Variants in STPG4 observed in about 807,000 individuals in gnomAD.
STPG4 encodes the protein sperm-tail PG-rich repeat containing 4.
Under a neutral mutation model 31.5 loss-of-function variants are expected in STPG4, and 41 were observed. That is an observed-to-expected ratio of 1.30 (90% CI 1.01 to 1.69). The LOEUF (loss-of-function observed/expected upper bound fraction) is 1.69. Among genes scored for constraint, STPG4 ranks in the 40% most tolerant of loss-of-function variants. The pLI, the probability that STPG4 is intolerant of heterozygous loss-of-function variation, is 0.00. For missense variants in STPG4, 375 were observed against 293.4 expected (o/e 1.28, Z -2.03); for synonymous variants, 141 against 103.0 (o/e 1.37, Z -2.24).
Position 47,151,955 on chromosome 2 carries a change from G to C in STPG4, c.142-440C>G, listed in dbSNP as rs1039143012. ...TTTTTTTGTATTTTTAGTAGAGACA[G>C]GGTTTCACTGTGTTAGCCAGGATGG... is the stretch of plus-strand genomic sequence containing the variant. On this transcript the variant is annotated intron_variant, in intron 2 of 6. Transcript: ENST00000445927. 3.3e-5 allele frequency among the ~76,000 whole-genome samples: 5 copies of C among 150,738 alleles called. No homozygotes were observed. The East Asian group carries it at 7.7e-4, about 23-fold the overall frequency.
intron 5 of STPG4, among the ~76,000 whole-genome samples, chr2:47,105,265 G>A (rs1685886927): frequency 6.6e-6 from 1 of 151,960 alleles, no homozygotes; most frequent in Admixed American, 6.5e-5. Flanking sequence ...TGATGTAGTA[G>A]CAAAAGGCTG....
intron 5 of STPG4, among the ~76,000 whole-genome samples, chr2:47,097,344 G>A (rs1269739150): frequency 6.6e-6 from 1 of 152,030 alleles, no homozygotes; most frequent in African/African-American, 2.4e-5. Flanking sequence ...TATTTCCCAG[G>A]TGAAGAATCT....
At chr2:47,114,748 A>C (rs1686111380) in intron 5 of STPG4, among the ~76,000 whole-genome samples, 1 of 151,936 alleles carries the variant, frequency 6.6e-6, no homozygotes, top group African/African-American at 2.4e-5. Context: ...TTCTTAAACG[A>C]TCATCCAACA....
Position 47,155,170 on chromosome 2 carries a change from C to T in STPG4, c.81+1G>A, listed in dbSNP as rs748180095. ...GGCCGGCAAGGGGCAGGCCATCTTA[C>T]CGAAGCTGTGATGAATGATTCTCCA... On this transcript the variant is annotated splice_donor_variant, in intron 1 of 6. Transcript: ENST00000445927. LOFTEE classifies it high-confidence loss of function. 1.9e-6 allele frequency: 3 copies of T among 1,614,010 alleles called. No individual in the cohort carries two copies. In the South Asian group the frequency reaches 3.3e-5, roughly 18 times the overall value.
chr2:47,099,591 C>T (rs918101957), intron 5 of STPG4, among the ~76,000 whole-genome samples: 4 of 152,288 alleles, frequency 2.6e-5, no homozygotes, highest in Non-Finnish European at 4.4e-5. Flanking sequence ...AGCCCTCGCT[C>T]GCTCTCGGCG....
At chr2:47,109,134 A>C (rs1685984813) in intron 5 of STPG4, among the ~76,000 whole-genome samples, 1 of 152,258 alleles carries the variant, frequency 6.6e-6, no homozygotes, top group Non-Finnish European at 1.5e-5. Context: ...TGTTATAAGA[A>C]AGTACAGGAA....
At chr2:47,087,190 C>T (rs992642672) in intron 6 of STPG4, 60 bp from the exon 7 acceptor site, 29 of 1,538,134 alleles carry the variant, frequency 1.9e-5, no homozygotes, top group South Asian at 9.6e-5. Context: ...CCTGAGGCTC[C>T]TGTGCCTAGC....
intron 5 of STPG4, among the ~76,000 whole-genome samples, chr2:47,104,742 G>C (rs2103744946): frequency 6.6e-6 from 1 of 152,024 alleles, no homozygotes; most frequent in East Asian, 1.9e-4. Context: ...CTACCAGTTT[G>C]GAAGCCTCAT....
chr2:47,117,930 A>ATATATATTTTT lies in STPG4; in HGVS notation c.519+12010_519+12011insAAAAATATATA, dbSNP rs1491090707. 3.6e-3 allele frequency among the ~76,000 whole-genome samples: 420 copies of ATATATATTTTT among 117,506 alleles called. 2 individuals carry two copies. Among genetic ancestry groups the ATATATATTTTT allele is most frequent in the African/African-American group, 0.015 (395 of 26,256 alleles). The allele number at this position is 117,506 out of a possible 152,430, so 77.1% of individuals were successfully genotyped here. A position where few individuals can be genotyped will look rare whatever the true frequency, so the allele number is the denominator to read the frequency against. ...GATAGTACAACATATATATATATATATTTTTTTTTTAATAGAGATGAGGTC... is the reference window on the plus strand; with the variant it reads ...GATAGTACAACATATATATATATATATATATATTTTTTTTTTTTTTTAATAGAGATGAGGTC... On this transcript the variant is annotated intron_variant, in intron 5 of 6. Transcript: ENST00000445927.
At chr2:47,090,507 A>G (rs1685549827) in intron 5 of STPG4, 133 bp from the exon 6 acceptor site, 2 of 643,478 alleles carry the variant, frequency 3.1e-6, no homozygotes, top group Non-Finnish European at 5.4e-6. Flanking sequence ...GTCTCGAGAG[A>G]TCTCTTTAAG....
chr2:47,093,531 C>CCA (rs1685612252), intron 5 of STPG4, among the ~76,000 whole-genome samples: 2 of 152,264 alleles, frequency 1.3e-5, no homozygotes, highest in African/African-American at 4.8e-5. Context: ...ACCATTGATT[C>CCA]CACACCTATG....
At chr2:47,101,997 G>C (rs1685811055) in intron 5 of STPG4, among the ~76,000 whole-genome samples, 1 of 151,878 alleles carries the variant, frequency 6.6e-6, no homozygotes, top group African/African-American at 2.4e-5. Context: ...CTGTGGTCTA[G>C]GAGGACAGGC....
intron 5 of STPG4, among the ~76,000 whole-genome samples, chr2:47,096,968 G>C (rs1334885081): frequency 1.3e-5 from 2 of 152,082 alleles, no homozygotes; most frequent in African/African-American, 4.8e-5. Flanking sequence ...GGGAGGCCAC[G>C]GGGAGAGGCA....
At chr2:47,147,956 C>CT (rs11417126) in intron 3 of STPG4, among the ~76,000 whole-genome samples, 105,727 of 146,984 alleles carry the variant, frequency 0.72, 38,736 homozygotes, top group East Asian at 0.92. Context: ...ATACATATTC[C>CT]TTTTTTTTTT....
At chr2:47,145,436 T>C (rs1180559182) in intron 3 of STPG4, among the ~76,000 whole-genome samples, 1 of 152,228 alleles carries the variant, frequency 6.6e-6, no homozygotes, top group East Asian at 1.9e-4. Flanking sequence ...GTCCCTTTCA[T>C]GAATTCCAGC....
chr2:47,151,898 G>T (rs746836783), intron 2 of STPG4, among the ~76,000 whole-genome samples: 1 of 142,276 alleles, frequency 7.0e-6, no homozygotes, highest in Non-Finnish European at 1.5e-5. Flanking sequence ...CAGCCACTAC[G>T]CCCGGCTAGT....
intron 5 of STPG4, among the ~76,000 whole-genome samples, chr2:47,111,989 C>T (rs1686046017): frequency 6.6e-6 from 1 of 152,158 alleles, no homozygotes; most frequent in African/African-American, 2.4e-5. Flanking sequence ...TTGTTTTTAA[C>T]AAGTGAGAAT....
intron 3 of STPG4, among the ~76,000 whole-genome samples, chr2:47,148,914 G>C (rs1209459441): frequency 6.6e-6 from 1 of 152,096 alleles, no homozygotes; most frequent in Non-Finnish European, 1.5e-5. Flanking sequence ...CAAATAAAAA[G>C]CAGCCACTGA....
chr2:47,138,184 C>A (rs1169833211), intron 3 of STPG4, among the ~76,000 whole-genome samples: 3 of 152,298 alleles, frequency 2.0e-5, no homozygotes, highest in Non-Finnish European at 4.4e-5. Flanking sequence ...TTCACTTCCA[C>A]TTAGTTCAAA....
Sources: gnomAD v4.1 joint callset for allele counts (sites outside exome capture counted in the v4.1 genomes callset) on GRCh38, gnomAD v4.1.1 for gene constraint, MANE v1.5 for transcripts, NCBI Gene and HGNC (gene_info 2026-07-23, HGNC 2026-07-21) for gene names.